The following NLGN1 variants were observed in gnomAD, a reference collection of about 807,000 sequenced individuals.
NLGN1 encodes the protein neuroligin-1.
A neutral mutation model predicts 65.5 loss-of-function variants in NLGN1; 12 were observed. That is an observed-to-expected ratio of 0.18 (90% confidence interval 0.12 to 0.30). NLGN1 has a LOEUF of 0.30. NLGN1 is among the 10% of genes least tolerant of loss of function. The pLI is 1.00. For missense variants in NLGN1, 750 were observed against 1,007.1 expected (o/e 0.74, Z 3.46); for synonymous variants, 350 against 359.5 (o/e 0.97, Z 0.30).
intron 4 of NLGN1, among the ~76,000 whole-genome samples, chr3:173,873,631 G>A (rs1267566958): frequency 1.3e-5 from 2 of 152,136 alleles, no homozygotes; most frequent in African/African-American, 2.4e-5. Flanking sequence ...GATGGTTTAT[G>A]CATTTTGCAT....
intron 4 of NLGN1, among the ~76,000 whole-genome samples, chr3:174,087,142 A>G (rs1323402151): frequency 2.0e-5 from 3 of 152,088 alleles, no homozygotes; most frequent in Admixed American, 6.6e-5. Flanking sequence ...GGGAGGAGGG[A>G]GATAATCAGA....
At position 173,609,651 on chromosome 3, in the gene NLGN1, T is replaced by C. The variant is rs1434352266; in HGVS notation, c.493+4560T>C. ...ACTTATTCATTTGACAACTATTTAT[T>C]GAGTACTTACTCTGTGCTGAGTATT... On this transcript the variant is annotated intron_variant, in intron 3 of 6. Transcript: ENST00000457714. Among the ~76,000 whole-genome samples, 68 of 151,972 alleles carry C rather than the reference T, an allele frequency of 4.5e-4. 1 individual carries two copies. Among genetic ancestry groups the C allele is most frequent in the Non-Finnish European group, 7.4e-5 (5 of 67,922 alleles).
chr3:173,503,984 T>C (rs1731587394), intron 2 of NLGN1, among the ~76,000 whole-genome samples: 1 of 152,064 alleles, frequency 6.6e-6, no homozygotes, highest in African/African-American at 2.4e-5. Flanking sequence ...GAGTTATTGG[T>C]AGCAAGATAG....
intron 2 of NLGN1, among the ~76,000 whole-genome samples, chr3:173,532,850 T>C (rs1405247336): frequency 6.6e-6 from 1 of 152,212 alleles, no homozygotes; most frequent in Non-Finnish European, 1.5e-5. Flanking sequence ...TATTGCAGGT[T>C]GGCTGAAAGT....
chr3:174,086,683 T>C (rs1743466909), intron 4 of NLGN1, among the ~76,000 whole-genome samples: 1 of 151,932 alleles, frequency 6.6e-6, no homozygotes, highest in African/African-American at 2.4e-5. Context: ...TCCTCCTATT[T>C]CACCCAAAAC....
chr3:173,851,592 C>A (rs1726924160), intron 4 of NLGN1, among the ~76,000 whole-genome samples: 1 of 151,782 alleles, frequency 6.6e-6, no homozygotes, highest in Admixed American at 6.6e-5. Flanking sequence ...ATAATGTTAT[C>A]CCCTTCTTTC....
intron 4 of NLGN1, among the ~76,000 whole-genome samples, chr3:174,025,324 A>C (rs1407258802): frequency 6.6e-6 from 1 of 152,216 alleles, no homozygotes; most frequent in Non-Finnish European, 1.5e-5. Context: ...AAAAGCACAA[A>C]TCAATTGTGC....
At chr3:173,966,230 C>A (rs1269128283) in intron 4 of NLGN1, among the ~76,000 whole-genome samples, 3 of 152,162 alleles carry the variant, frequency 2.0e-5, no homozygotes, top group Non-Finnish European at 4.4e-5. Context: ...AGTAAAAAGT[C>A]CACAGCTCTG....
chr3:173,677,338 G>T (rs1763301680), intron 3 of NLGN1, among the ~76,000 whole-genome samples: 2 of 151,888 alleles, frequency 1.3e-5, no homozygotes, highest in Non-Finnish European at 2.9e-5. Context: ...CAGACATCCA[G>T]GCTAGTACAG....
intron 4 of NLGN1, among the ~76,000 whole-genome samples, chr3:174,129,289 G>A (rs1013592978): frequency 6.6e-6 from 1 of 150,654 alleles, no homozygotes; most frequent in African/African-American, 2.4e-5. Context: ...GTATGGCATA[G>A]ATGAATAAAT....
chr3:173,786,265 G>A (rs1781939425), intron 3 of NLGN1, among the ~76,000 whole-genome samples: 1 of 152,118 alleles, frequency 6.6e-6, no homozygotes, highest in African/African-American at 2.4e-5. Context: ...TTATGGCTGT[G>A]AGTTTTGTAC....
chr3:173,879,636 G>GTT (rs771017529), intron 4 of NLGN1, among the ~76,000 whole-genome samples: 17 of 145,144 alleles, frequency 1.2e-4, no homozygotes, highest in African/African-American at 3.7e-4. Flanking sequence ...TTTTTTCTGT[G>GTT]TGTTTTTTTT....
intron 2 of NLGN1, among the ~76,000 whole-genome samples, chr3:173,489,015 T>C (rs1349122108): frequency 2.6e-5 from 4 of 151,976 alleles, no homozygotes; most frequent in African/African-American, 9.7e-5. Context: ...ATCTGATCTT[T>C]AGATTTTCTT....
At chr3:174,097,507 G>C (rs975314668) in intron 4 of NLGN1, among the ~76,000 whole-genome samples, 1 of 152,102 alleles carries the variant, frequency 6.6e-6, no homozygotes, top group Non-Finnish European at 1.5e-5. Flanking sequence ...TTAATATAAT[G>C]TACATGAGTC....
chr3:173,409,481 A>T (rs1021448901), intron 1 of NLGN1, among the ~76,000 whole-genome samples: 1 of 152,200 alleles, frequency 6.6e-6, no homozygotes, highest in African/African-American at 2.4e-5. Context: ...GCCCCCAGGA[A>T]AATAAATCTA....
chr3:173,913,277 G>T (rs2152231672), intron 4 of NLGN1, among the ~76,000 whole-genome samples: 1 of 152,292 alleles, frequency 6.6e-6, no homozygotes, highest in Admixed American at 6.5e-5. Flanking sequence ...CAGTTTGCAA[G>T]ATTGATTAAA....
rs200212547 is a variant in NLGN1, at chr3:173,818,895, C to CTTTTTTT, written c.646+11073_646+11079dup. ...AATTTTGTTCTGCCTTTGAATAGTT[C>CTTTTTTT]TTTTTTTTTTTTTTTTCCAGTAAGG... On this transcript the variant is annotated intron_variant, in intron 4 of 6. Coordinates refer to ENST00000457714, the Ensembl canonical transcript of NLGN1. Among the ~76,000 whole-genome samples, 25 of 92,384 alleles carry CTTTTTTT rather than the reference C, an allele frequency of 2.7e-4. 2 individuals are homozygous for CTTTTTTT. Among genetic ancestry groups the CTTTTTTT allele is most frequent in the African/African-American group, 1.0e-3 (22 of 21,220 alleles). 60.6% of individuals were successfully genotyped at this position (92,384 alleles called of 152,430 possible).
At chr3:173,561,597 T>C (rs1742740963) in intron 2 of NLGN1, among the ~76,000 whole-genome samples, 1 of 152,166 alleles carries the variant, frequency 6.6e-6, no homozygotes, top group Non-Finnish European at 1.5e-5. Flanking sequence ...GTGGTAATAA[T>C]ATAGAATTAA....
intron 4 of NLGN1, among the ~76,000 whole-genome samples, chr3:174,230,389 G>A (rs1740488117): frequency 6.6e-6 from 1 of 152,010 alleles, no homozygotes. Context: ...AATACAAAAT[G>A]TATAATACCC....
Sources: gnomAD v4.1 joint callset for allele counts (sites outside exome capture counted in the v4.1 genomes callset) on GRCh38, gnomAD v4.1.1 for gene constraint, MANE v1.5 for transcripts, NCBI Gene and HGNC (gene_info 2026-07-23, HGNC 2026-07-21) for gene names.